CSMD1: variants seen among roughly 807,000 people sequenced by gnomAD.
CSMD1 encodes CUB and sushi domain-containing protein 1.
In CSMD1, 213 loss-of-function variants were observed where a neutral mutation model predicts 417.5. The ratio of observed to expected loss-of-function variants is 0.51; its 90% CI spans 0.46 to 0.57. CSMD1 has a LOEUF of 0.57. CSMD1 is among the 20% of genes least tolerant of loss of function. The pLI is 0.00. For synonymous variants in CSMD1, 2,862 were observed against 1,736.8 expected (o/e 1.65, Z -16.11); for missense variants, 6,923 against 4,529.7 (o/e 1.53, Z -15.17).
intron 3 of CSMD1, among the ~76,000 whole-genome samples, chr8:4,187,683 A>AAAAG (rs1214752996): frequency 6.6e-6 from 1 of 151,524 alleles, no homozygotes; most frequent in East Asian, 1.9e-4. Context: ...TCTCAAAAAA[A>AAAAG]AAAAAAAAAA....
At chr8:4,433,693 C>T (rs1029224780) in intron 2 of CSMD1, among the ~76,000 whole-genome samples, 32 of 152,172 alleles carry the variant, frequency 2.1e-4, no homozygotes, top group African/African-American at 7.5e-4. Context: ...ATTCACCTGG[C>T]ATGTGAATAT....
chr8:4,069,074 A>G (rs1201225096), intron 3 of CSMD1, among the ~76,000 whole-genome samples: 4 of 152,184 alleles, frequency 2.6e-5, no homozygotes, highest in Non-Finnish European at 4.4e-5. Context: ...TTCTTAAAAC[A>G]ATTTTATTAG....
intron 1 of CSMD1, among the ~76,000 whole-genome samples, chr8:4,962,125 G>C (rs1347344581): frequency 1.6e-5 from 2 of 128,366 alleles, no homozygotes; most frequent in Non-Finnish European, 3.3e-5. Flanking sequence ...TTTTTTTTTT[G>C]TATTGGAGGC....
At chr8:3,911,193 G>A (rs1563202597) in intron 5 of CSMD1, among the ~76,000 whole-genome samples, 1 of 152,124 alleles carries the variant, frequency 6.6e-6, no homozygotes, top group Non-Finnish European at 1.5e-5. Flanking sequence ...ACGGGTCTCT[G>A]GGGACTAGAT....
chr8:3,782,036 T>C (rs1240515445), intron 5 of CSMD1, among the ~76,000 whole-genome samples: 1 of 149,450 alleles, frequency 6.7e-6, no homozygotes, highest in East Asian at 2.0e-4. Context: ...AGTATCTCTC[T>C]ATTATTATTC....
chr8:3,424,506 A>G (rs186462196), intron 12 of CSMD1, among the ~76,000 whole-genome samples: 77 of 152,368 alleles, frequency 5.1e-4, no homozygotes, highest in Non-Finnish European at 9.8e-4. Context: ...TAGGTCATAT[A>G]GAGAAAAAAA....
intron 2 of CSMD1, among the ~76,000 whole-genome samples, chr8:4,463,420 G>A (rs985597995): frequency 1.3e-5 from 2 of 152,170 alleles, no homozygotes; most frequent in African/African-American, 4.8e-5. Context: ...TCCACAGCTA[G>A]TTCTATACTT....
chr8:4,240,625 C>G (rs902727481), intron 3 of CSMD1, among the ~76,000 whole-genome samples: 3 of 152,170 alleles, frequency 2.0e-5, no homozygotes, highest in African/African-American at 4.8e-5. Context: ...GCTATCCAAT[C>G]TCATTCCCAG....
chr8:3,560,892 C>T (rs1440555327), intron 10 of CSMD1, among the ~76,000 whole-genome samples: 4 of 152,148 alleles, frequency 2.6e-5, no homozygotes, highest in Admixed American at 1.3e-4. Context: ...ATTGATTCTT[C>T]CAGTTCCTAT....
chr8:4,304,940 T>A (rs1302423356), intron 3 of CSMD1, among the ~76,000 whole-genome samples: 4 of 152,252 alleles, frequency 2.6e-5, no homozygotes, highest in East Asian at 1.9e-4. Flanking sequence ...AGTACTCTTT[T>A]ATCAGGCTGT....
At chr8:4,650,299 G>A (rs7008949) in intron 1 of CSMD1, among the ~76,000 whole-genome samples, 6,597 of 141,998 alleles carry the variant, frequency 0.046, 463 homozygotes, top group African/African-American at 0.17. Context: ...GAGCCTAGAT[G>A]GTGCCACTGC....
At chr8:3,325,682 G>C (rs1270149105) in intron 23 of CSMD1, among the ~76,000 whole-genome samples, 1 of 152,124 alleles carries the variant, frequency 6.6e-6, no homozygotes, top group Non-Finnish European at 1.5e-5. Context: ...AAGTTAGCTG[G>C]GCATGGTGGC....
rs1319917811 is a variant in CSMD1 at position 3,795,129 on chromosome 8, ACAGC to A, written c.819-41091_819-41088del. On this transcript the variant is annotated intron_variant, in intron 5 of 69. Transcript: ENST00000635120. ...GTACAGCTATAGATATCTATCATGT[ACAGC>A]TATAGATATCTATCATGTACAGCTA... 1.1e-3 allele frequency among the ~76,000 whole-genome samples: 80 copies of A among 70,874 alleles called. 2 individuals are homozygous for A. The highest frequency in any genetic ancestry group is 1.7e-3 in the African/African-American group (35 of 21,164). The allele number at this position is 70,874 out of a possible 152,430, so 46.5% of individuals were successfully genotyped here. A position where few individuals can be genotyped will look rare whatever the true frequency, so the allele number is the denominator to read the frequency against.
At chr8:3,253,485 C>T (rs1196757308) in intron 26 of CSMD1, among the ~76,000 whole-genome samples, 1 of 152,070 alleles carries the variant, frequency 6.6e-6, no homozygotes, top group Non-Finnish European at 1.5e-5. Flanking sequence ...TGGTGTGGTG[C>T]TGAAAAGAAT....
At chr8:4,747,032 A>G (rs1811002870) in intron 1 of CSMD1, among the ~76,000 whole-genome samples, 2 of 152,174 alleles carry the variant, frequency 1.3e-5, no homozygotes, top group African/African-American at 4.8e-5. Context: ...GCCACTGAGT[A>G]GGGAGGGCCT....
chr8:4,869,512 T>A (rs1178549803), intron 1 of CSMD1, among the ~76,000 whole-genome samples: 1 of 152,084 alleles, frequency 6.6e-6, no homozygotes, highest in Non-Finnish European at 1.5e-5. Context: ...AGGTAGTTGA[T>A]ATCTAGGATA....
intron 1 of CSMD1, among the ~76,000 whole-genome samples, chr8:4,796,887 A>G (rs547752412): frequency 4.6e-5 from 7 of 152,166 alleles, no homozygotes; most frequent in African/African-American, 9.6e-5. Context: ...TATGCACACA[A>G]CTGAAACGCT....
intron 3 of CSMD1, among the ~76,000 whole-genome samples, chr8:4,370,371 G>A (rs780469586): frequency 6.6e-6 from 1 of 152,150 alleles, no homozygotes; most frequent in Non-Finnish European, 1.5e-5. Context: ...CTGCTTTCAA[G>A]ATTTTTTCTT....
At chr8:3,550,588 T>C (rs918981386) in intron 10 of CSMD1, among the ~76,000 whole-genome samples, 1 of 152,230 alleles carries the variant, frequency 6.6e-6, no homozygotes, top group Non-Finnish European at 1.5e-5. Flanking sequence ...GCATCATCCC[T>C]AAGTTCCTTT....
Sources: gnomAD v4.1 joint callset for allele counts (sites outside exome capture counted in the v4.1 genomes callset) on GRCh38, gnomAD v4.1.1 for gene constraint, MANE v1.5 for transcripts, NCBI Gene and HGNC (gene_info 2026-07-23, HGNC 2026-07-21) for gene names.